Variants in NFATC1 observed in about 807,000 individuals in gnomAD.
The protein encoded by NFATC1 is nuclear factor of activated T-cells, cytoplasmic 1.
NFATC1 carries 22 observed loss-of-function variants against 76.0 expected under a neutral mutation model. The ratio of observed to expected loss-of-function variants is 0.29; its 90% confidence interval spans 0.21 to 0.41. NFATC1 has a LOEUF of 0.41. Ranked by LOEUF, NFATC1 falls within the 10% of genes least tolerant of loss-of-function variation. The probability of loss-of-function intolerance (pLI) is 1.00; values close to 1 mark genes in which losing one functional copy is unlikely to be tolerated. For missense variants in NFATC1, 1,357 were observed against 1,337.7 expected (o/e 1.01, Z -0.23); for synonymous variants, 704 against 613.1 (o/e 1.15, Z -2.19).
chr18:79,482,617 TG>T (rs1335585013), intron 8 of NFATC1, among the ~76,000 whole-genome samples: 1 of 140,250 alleles, frequency 7.1e-6, no homozygotes, highest in Non-Finnish European at 1.5e-5. Flanking sequence ...ACCTGGTTCC[TG>T]GGGTGTAATT....
intron 9 of NFATC1, among the ~76,000 whole-genome samples, chr18:79,510,277 C>G (rs751939908): frequency 2.0e-5 from 3 of 151,982 alleles, no homozygotes; most frequent in African/African-American, 7.3e-5. Context: ...ATTCCACTTT[C>G]AAAAGATGAC....
chr18:79,522,663 G>T (rs2090644330), intron 9 of NFATC1, among the ~76,000 whole-genome samples: 1 of 152,094 alleles, frequency 6.6e-6, no homozygotes, highest in Non-Finnish European at 1.5e-5. Flanking sequence ...CCAAGTTCCG[G>T]GCACTGAGCA....
At chr18:79,402,996 A>G (rs919237192) in intron 1 of NFATC1, among the ~76,000 whole-genome samples, 7 of 152,272 alleles carry the variant, frequency 4.6e-5, no homozygotes, top group Non-Finnish European at 8.8e-5. Context: ...ACAGAAAGTC[A>G]AGCTTTGTTG....
At chr18:79,513,431 G>A (rs9946665) in intron 9 of NFATC1, among the ~76,000 whole-genome samples, 3 of 152,134 alleles carry the variant, frequency 2.0e-5, no homozygotes, top group African/African-American at 4.8e-5. Flanking sequence ...AGATACCCGC[G>A]TCATCCCCCG....
intron 2 of NFATC1, among the ~76,000 whole-genome samples, chr18:79,427,393 T>TGGACGGCCGGCCTCTGTGCGGTGGGTA (rs1568947788): frequency 1.4e-5 from 1 of 69,642 alleles, no homozygotes; most frequent in Admixed American, 1.6e-4. Context: ...TGCAGTGGGT[T>TGGACGGCCGGCCTCTGTGCGGTGGGTA]GGGGGGAGCT....
intron 9 of NFATC1, among the ~76,000 whole-genome samples, chr18:79,506,441 C>T (rs1411635682): frequency 6.6e-6 from 1 of 152,236 alleles, no homozygotes; most frequent in Non-Finnish European, 1.5e-5. Context: ...GATATGCCCT[C>T]CCCAGGGGTG....
chr18:79,416,903 G>T (rs527243039), intron 2 of NFATC1, among the ~76,000 whole-genome samples: 34 of 152,342 alleles, frequency 2.2e-4, no homozygotes, highest in Middle Eastern at 3.4e-3. Flanking sequence ...TCCCGGCATG[G>T]GTGTCAGGCC....
Position 79,480,144 on chromosome 18 carries a change from C to T in NFATC1, c.2093-6104C>T, listed in dbSNP as rs550415463. Among the ~76,000 whole-genome samples, 22 of 152,308 alleles carry T rather than the reference C, an allele frequency of 1.4e-4. No homozygotes were observed. In the South Asian group the frequency reaches 4.4e-3, roughly 30 times the overall value. On this transcript the variant is annotated intron_variant, in intron 8 of 9. Coordinates refer to ENST00000427363, the MANE Select transcript of NFATC1 (RefSeq NM_001278669.2). ...GCTCTCCAGACTCACAAGATGCCGT[C>T]GTGGGTGGGGCACGTGCGGTGATCC...
intron 2 of NFATC1, among the ~76,000 whole-genome samples, chr18:79,427,429 T>G (rs906463928): frequency 0.01 from 167 of 16,538 alleles, no homozygotes; most frequent in South Asian, 0.017. Context: ...GTGCGGTGGG[T>G]GGGGGGGAGC....
chr18:79,449,065 C>T, intron 4 of NFATC1, 81 bp downstream of exon 4: 1 of 1,417,624 alleles, frequency 7.1e-7, no homozygotes, highest in East Asian at 2.4e-5. Context: ...GGGGGTCTGG[C>T]CAGCCCCCCG....
Position 79,528,141 on chromosome 18 carries a change from C to A in NFATC1, c.*564C>A, listed in dbSNP as rs2090816825. ...TCCTGGGCTGTCACGTACACTCCTG[C>A]TGCCTTACACAGTGCATTTTAGAAT... is the stretch of plus-strand genomic sequence containing the variant. On this transcript the variant is annotated 3_prime_UTR_variant, in exon 10 of 10. Transcript: ENST00000427363. 2 of 393,038 alleles carry A rather than the reference C, an allele frequency of 5.1e-6. No homozygotes were observed. Among genetic ancestry groups the A allele is most frequent in the Non-Finnish European group, 9.0e-6 (2 of 223,150 alleles). The allele number at this position is 393,038 out of a possible 1,614,324, so 24.3% of individuals were successfully genotyped here. A position where few individuals can be genotyped will look rare whatever the true frequency, so the allele number is the denominator to read the frequency against.
At chr18:79,402,750 G>A (rs1025253000) in intron 1 of NFATC1, among the ~76,000 whole-genome samples, 1 of 152,210 alleles carries the variant, frequency 6.6e-6, no homozygotes, top group African/African-American at 2.4e-5. Context: ...GTGAGACACC[G>A]TGCTGTTTTC....
At position 79,519,248 on chromosome 18, in the gene NFATC1, C is replaced by G. The variant is rs547775244; in HGVS notation, c.2783-8280C>G. 6.6e-5 allele frequency among the ~76,000 whole-genome samples: 10 copies of G among 152,230 alleles called. 1 individual carries two copies. The highest frequency in any genetic ancestry group is 5.9e-5 in the Non-Finnish European group (4 of 68,044). On this transcript the variant is annotated intron_variant, in intron 9 of 9. Transcript: ENST00000427363. ...GAAAATCCTTAGGAATTGCTGACTT[C>G]CAAGTTGTTTCACTACCATCTGAAA...
intron 1 of NFATC1, among the ~76,000 whole-genome samples, chr18:79,403,259 C>T (rs1163743506): frequency 6.6e-6 from 1 of 152,250 alleles, no homozygotes; most frequent in Non-Finnish European, 1.5e-5. Context: ...GGGGCTGTGT[C>T]TTGTTCTTTA....
Position 79,529,266 on chromosome 18 carries a change from T to C in NFATC1, c.*1689T>C, listed in dbSNP as rs561436438. The stretch of plus-strand genomic sequence containing the variant: ...TTGAAAAGGAAACGTTTGATGTCTG[T>C]GTCAGCTGTCTTTGTAGTTAGGAAA... On this transcript the variant is annotated 3_prime_UTR_variant, in exon 10 of 10. Coordinates refer to ENST00000427363, the MANE Select transcript of NFATC1 (RefSeq NM_001278669.2). The C allele has an allele frequency of 1.3e-5, 2 of 152,384 alleles. No individual in the cohort carries two copies. The highest frequency in any genetic ancestry group is 1.9e-4 in the East Asian group (1 of 5,192). 9.4% of individuals were successfully genotyped at this position (152,384 alleles called of 1,614,324 possible). A position where few individuals can be genotyped will look rare whatever the true frequency, so the allele number is the denominator to read the frequency against.
chr18:79,455,760 TCCCACGGCCGCCCCATCCCACGGCC>T (rs2087684300), intron 6 of NFATC1, among the ~76,000 whole-genome samples: 2 of 116,592 alleles, frequency 1.7e-5, no homozygotes, highest in African/African-American at 9.9e-5. Context: ...GGCCGCCCCA[TCCCACGGCCGCCCCATCCCACGGCC>T]GCCCCATCCC....
chr18:79,426,532 C>G (rs1290990452), intron 2 of NFATC1, among the ~76,000 whole-genome samples: 1 of 152,212 alleles, frequency 6.6e-6, no homozygotes, highest in Non-Finnish European at 1.5e-5. Context: ...GCAGGTGTTT[C>G]CATTTGACCT....
chr18:79,423,609 G>C (rs1264617136), intron 2 of NFATC1, among the ~76,000 whole-genome samples: 2 of 152,196 alleles, frequency 1.3e-5, no homozygotes, highest in African/African-American at 4.8e-5. Context: ...ACCTGGGACT[G>C]CCTGGGACAA....
At chr18:79,476,344 C>G (rs567586496) in intron 8 of NFATC1, among the ~76,000 whole-genome samples, 32 of 152,392 alleles carry the variant, frequency 2.1e-4, no homozygotes, top group Non-Finnish European at 4.0e-4. Flanking sequence ...GCGTGAGTCA[C>G]GCGCCCCACA....
Sources: gnomAD v4.1 joint callset for allele counts (sites outside exome capture counted in the v4.1 genomes callset) on GRCh38, gnomAD v4.1.1 for gene constraint, MANE v1.5 for transcripts, NCBI Gene and HGNC (gene_info 2026-07-23, HGNC 2026-07-21) for gene names.